Variants in SGCZ observed in about 807,000 individuals in gnomAD.
The protein encoded by SGCZ is zeta-sarcoglycan.
Under a neutral mutation model 41.3 loss-of-function variants are expected in SGCZ, and 40 were observed. The observed-to-expected ratio is 0.97, with a 90% confidence interval of 0.75 to 1.26. SGCZ has a LOEUF of 1.26. Ranked by LOEUF, SGCZ falls within the 50% of genes most tolerant of loss-of-function variation. The pLI is 0.00. For synonymous variants in SGCZ, 206 were observed against 137.5 expected (o/e 1.50, Z -3.49); for missense variants, 552 against 369.8 (o/e 1.49, Z -4.04).
intron 1 of SGCZ, among the ~76,000 whole-genome samples, chr8:14,786,279 A>T (rs949813078): frequency 1.3e-5 from 2 of 152,168 alleles, no homozygotes; most frequent in African/African-American, 4.8e-5. Flanking sequence ...ACAAATGAGC[A>T]TTTACAAACC....
intron 1 of SGCZ, among the ~76,000 whole-genome samples, chr8:14,689,556 G>C (rs535286486): frequency 1.3e-5 from 2 of 152,082 alleles, no homozygotes; most frequent in Non-Finnish European, 2.9e-5. Context: ...AAGGGCTTTT[G>C]TTATTACTAA....
chr8:15,187,898 T>C (rs2117102784), intron 1 of SGCZ, among the ~76,000 whole-genome samples: 1 of 152,132 alleles, frequency 6.6e-6, no homozygotes, highest in East Asian at 1.9e-4. Context: ...CAAATACTAT[T>C]TATGAAAATG....
At chr8:14,153,831 G>A (rs1803787725) in intron 5 of SGCZ, among the ~76,000 whole-genome samples, 1 of 152,084 alleles carries the variant, frequency 6.6e-6, no homozygotes, top group Non-Finnish European at 1.5e-5. Context: ...ATGAGGTCAT[G>A]AGGATGGGGT....
At chr8:14,623,094 C>A (rs556185030) in intron 1 of SGCZ, among the ~76,000 whole-genome samples, 1 of 152,270 alleles carries the variant, frequency 6.6e-6, no homozygotes, top group East Asian at 1.9e-4. Context: ...AATTAGAAAA[C>A]AATTCAGTCG....
At chr8:14,149,670 A>AAT (rs397781958) in intron 5 of SGCZ, among the ~76,000 whole-genome samples, 11 of 149,114 alleles carry the variant, frequency 7.4e-5, no homozygotes, top group African/African-American at 2.7e-4. Context: ...AAAAAAAAAA[A>AAT]CACAATCCTA....
chr8:14,361,980 C>G (rs1191429922), intron 2 of SGCZ, among the ~76,000 whole-genome samples: 1 of 152,180 alleles, frequency 6.6e-6, no homozygotes, highest in African/African-American at 2.4e-5. Flanking sequence ...AGGTCAACTC[C>G]AGACCCTGCT....
intron 1 of SGCZ, among the ~76,000 whole-genome samples, chr8:14,869,588 G>A (rs1804068426): frequency 6.6e-6 from 1 of 152,170 alleles, no homozygotes; most frequent in South Asian, 2.1e-4. Context: ...ATTCTGTCCA[G>A]GGCAATCAGG....
chr8:14,264,116 G>A (rs1041806203), intron 3 of SGCZ, among the ~76,000 whole-genome samples: 4 of 152,162 alleles, frequency 2.6e-5, no homozygotes, highest in African/African-American at 7.2e-5. Context: ...GACCACAGGC[G>A]AACCTCAGTG....
intron 2 of SGCZ, among the ~76,000 whole-genome samples, chr8:14,524,874 T>G (rs759849128): frequency 2.6e-5 from 4 of 152,096 alleles, no homozygotes; most frequent in African/African-American, 4.8e-5. Flanking sequence ...GAAAGTAATA[T>G]AATTCTGACA....
intron 2 of SGCZ, among the ~76,000 whole-genome samples, chr8:14,543,386 G>C (rs1049380974): frequency 6.6e-6 from 1 of 151,820 alleles, no homozygotes; most frequent in Admixed American, 6.6e-5. Flanking sequence ...TAACTCTGCT[G>C]AGTTCTTAAA....
intron 1 of SGCZ, among the ~76,000 whole-genome samples, chr8:14,841,251 A>G (rs553477071): frequency 5.3e-5 from 8 of 152,102 alleles, no homozygotes; most frequent in Non-Finnish European, 1.2e-4. Context: ...AGAGCAATCC[A>G]CCTGGTCCTT....
intron 3 of SGCZ, among the ~76,000 whole-genome samples, chr8:14,306,236 G>A (rs1401425681): frequency 6.6e-6 from 1 of 152,022 alleles, no homozygotes; most frequent in Non-Finnish European, 1.5e-5. Flanking sequence ...CATGATTAAA[G>A]CAAAATATTA....
chr8:14,845,661 C>T (rs185827005), intron 1 of SGCZ, among the ~76,000 whole-genome samples: 2 of 152,134 alleles, frequency 1.3e-5, no homozygotes, highest in Admixed American at 1.3e-4. Context: ...CCAAATTGAA[C>T]TTTCAGAGAT....
chr8:14,262,120 T>A (rs1298082035), intron 3 of SGCZ, among the ~76,000 whole-genome samples: 2 of 152,126 alleles, frequency 1.3e-5, no homozygotes, highest in African/African-American at 4.8e-5. Flanking sequence ...AATTAGCAAA[T>A]GACTATATTT....
intron 2 of SGCZ, among the ~76,000 whole-genome samples, chr8:14,530,695 A>AT (rs58648217): frequency 1 from 152,157 of 152,230 alleles, 76,042 homozygotes; most frequent in Middle Eastern, 1. Flanking sequence ...ATCAAGAATG[A>AT]TTATATGCCT....
intron 1 of SGCZ, among the ~76,000 whole-genome samples, chr8:14,631,768 C>A (rs1416011516): frequency 6.6e-6 from 1 of 152,032 alleles, no homozygotes; most frequent in African/African-American, 2.4e-5. Flanking sequence ...GATTATAGAA[C>A]TGAGAGTTAG....
chr8:14,826,781 G>A (rs1042278736), intron 1 of SGCZ, among the ~76,000 whole-genome samples: 3 of 152,112 alleles, frequency 2.0e-5, no homozygotes, highest in Non-Finnish European at 2.9e-5. Flanking sequence ...TGATGGGGTT[G>A]TTTGTTTTCT....
At chr8:14,850,285 T>C (rs1803268655) in intron 1 of SGCZ, among the ~76,000 whole-genome samples, 1 of 152,130 alleles carries the variant, frequency 6.6e-6, no homozygotes, top group South Asian at 2.1e-4. Context: ...GGCCGTGAAG[T>C]TATAATCATG....
intron 1 of SGCZ, among the ~76,000 whole-genome samples, chr8:14,784,893 A>T (rs1585257644): frequency 9.3e-6 from 1 of 107,012 alleles, no homozygotes; most frequent in African/African-American, 3.9e-5. Flanking sequence ...CAAGAGTGAA[A>T]CTCTGCCTCA....
Sources: gnomAD v4.1 joint callset for allele counts (sites outside exome capture counted in the v4.1 genomes callset) on GRCh38, gnomAD v4.1.1 for gene constraint, MANE v1.5 for transcripts, NCBI Gene and HGNC (gene_info 2026-07-23, HGNC 2026-07-21) for gene names.